The following NAALADL2 variants were observed in gnomAD, a reference collection of about 807,000 sequenced individuals.
NAALADL2 encodes inactive N-acetylated-alpha-linked acidic dipeptidase-like protein 2.
Under a neutral mutation model 87.2 loss-of-function variants are expected in NAALADL2, and 76 were observed. The observed-to-expected ratio is 0.87, with a 90% CI of 0.72 to 1.05. The LOEUF (loss-of-function observed/expected upper bound fraction) is 1.05, where lower values mean the gene tolerates loss of function less well. Ranked by LOEUF, NAALADL2 falls within the 50% of genes least tolerant of loss-of-function variation. NAALADL2 has a pLI of 0.00. For missense variants in NAALADL2, 1,089 were observed against 945.8 expected (o/e 1.15, Z -1.99); for synonymous variants, 354 against 331.0 (o/e 1.07, Z -0.75).
In NAALADL2 at chr3:175,206,260, A is replaced by T. The variant is rs758397649; in HGVS notation, c.546-27671A>T. Among the ~76,000 whole-genome samples the T allele has an allele frequency of 1.9e-3, 179 of 92,650 alleles. 3 individuals carry two copies. The highest frequency in any genetic ancestry group is 0.012 in the African/African-American group (161 of 13,874). 60.8% of individuals were successfully genotyped at this position (92,650 alleles called of 152,430 possible). On this transcript the variant is annotated intron_variant, in intron 2 of 13. Coordinates refer to ENST00000454872, the MANE Select transcript of NAALADL2 (RefSeq NM_207015.3). ...GATAAAAAACTATATATATATATAT[A>T]TATTTTTTTTTTTCACTGTGTGTGT...
At chr3:175,567,338 A>C (rs1405446905) in intron 9 of NAALADL2, among the ~76,000 whole-genome samples, 1 of 152,148 alleles carries the variant, frequency 6.6e-6, no homozygotes, top group Non-Finnish European at 1.5e-5. Context: ...ACCAGCTAGA[A>C]GCTGGAGTAA....
At chr3:174,528,958 CT>C (rs1344514340) in intron 1 of NAALADL2, among the ~76,000 whole-genome samples, 2 of 152,078 alleles carry the variant, frequency 1.3e-5, no homozygotes, top group Non-Finnish European at 2.9e-5. Context: ...CCCCTGGCCC[CT>C]CACAAATCTC....
At chr3:175,070,113 G>A (rs1559986045) in intron 1 of NAALADL2, among the ~76,000 whole-genome samples, 1 of 150,214 alleles carries the variant, frequency 6.7e-6, no homozygotes, top group Non-Finnish European at 1.5e-5. Flanking sequence ...GTATACATAT[G>A]TAACTAACCT....
chr3:175,542,587 T>G (rs1712557022), intron 9 of NAALADL2, among the ~76,000 whole-genome samples: 1 of 152,156 alleles, frequency 6.6e-6, no homozygotes, highest in Non-Finnish European at 1.5e-5. Flanking sequence ...CTCAAACTCC[T>G]GACCTCAAGT....
At chr3:174,788,528 G>A (rs753200019) in intron 3 of NAALADL2, among the ~76,000 whole-genome samples, 1 of 152,030 alleles carries the variant, frequency 6.6e-6, no homozygotes, top group Non-Finnish European at 1.5e-5. Context: ...TCCTCACATG[G>A]TCTTCCCTCT....
intron 12 of NAALADL2, among the ~76,000 whole-genome samples, 165 bp from the exon 13 acceptor site, chr3:175,755,055 T>A (rs1019504173): frequency 6.6e-6 from 1 of 152,122 alleles, no homozygotes; most frequent in Non-Finnish European, 1.5e-5. Context: ...ATACCCTTGC[T>A]TTTGTCAAGT....
At position 175,510,096 on chromosome 3, in the gene NAALADL2, G is replaced by A. The variant is rs147027240; in HGVS notation, c.1653+38338G>A. Among the ~76,000 whole-genome samples the A allele has an allele frequency of 5.8e-3, 882 of 151,606 alleles. 3 individuals carry two copies. The highest frequency in any genetic ancestry group is 0.019 in the African/African-American group (774 of 41,292). On this transcript the variant is annotated intron_variant, in intron 9 of 13. Coordinates refer to ENST00000454872, the MANE Select transcript of NAALADL2 (RefSeq NM_207015.3). ...TTCCCACCTATGAGTGAGAATATGC[G>A]GTGTTTGGTTTTTTTTTCTTGCGAT...
chr3:175,593,978 ATTCT>A (rs2149613171), intron 10 of NAALADL2, among the ~76,000 whole-genome samples: 1 of 82,794 alleles, frequency 1.2e-5, no homozygotes, highest in South Asian at 6.0e-4. Flanking sequence ...TCATGTTGCT[ATTCT>A]TTTTTTTTTT....
At chr3:175,520,911 A>G (rs1188833263) in intron 9 of NAALADL2, among the ~76,000 whole-genome samples, 2 of 152,180 alleles carry the variant, frequency 1.3e-5, no homozygotes, top group Non-Finnish European at 2.9e-5. Context: ...ACAAAGCCCT[A>G]CTTTTACGGG....
chr3:175,001,844 CCA>C (rs1748277509), intron 1 of NAALADL2, among the ~76,000 whole-genome samples: 1 of 152,122 alleles, frequency 6.6e-6, no homozygotes, highest in South Asian at 2.1e-4. Flanking sequence ...CAATCTGATG[CCA>C]CAAGTGGAAA....
intron 13 of NAALADL2, among the ~76,000 whole-genome samples, chr3:175,798,185 C>G (rs754029853): frequency 6.6e-6 from 1 of 151,892 alleles, no homozygotes; most frequent in Non-Finnish European, 1.5e-5. Flanking sequence ...TTTTTGCTAG[C>G]CCCGATTTGT....
chr3:175,583,207 C>T (rs1720034684), intron 10 of NAALADL2, among the ~76,000 whole-genome samples: 1 of 152,114 alleles, frequency 6.6e-6, no homozygotes, highest in Admixed American at 6.6e-5. Context: ...ATCCCAGCAT[C>T]AAGAGAGTAT....
chr3:175,584,153 TC>T (rs1424781439), intron 10 of NAALADL2, among the ~76,000 whole-genome samples: 1 of 151,976 alleles, frequency 6.6e-6, no homozygotes, highest in Non-Finnish European at 1.5e-5. Context: ...TTCTCCTGCC[TC>T]AGCCTCCTGA....
At chr3:174,618,198 A>G (rs1720661384) in intron 2 of NAALADL2, among the ~76,000 whole-genome samples, 1 of 151,798 alleles carries the variant, frequency 6.6e-6, no homozygotes, top group Non-Finnish European at 1.5e-5. Context: ...AGAGGTCAGT[A>G]CTGCTCCATA....
chr3:175,790,560 A>G (rs778963060), intron 13 of NAALADL2, among the ~76,000 whole-genome samples: 7 of 152,136 alleles, frequency 4.6e-5, no homozygotes, highest in African/African-American at 7.2e-5. Context: ...GGAATTCTAG[A>G]TTTACTTTCT....
At chr3:174,838,979 G>C (rs535446722) in intron 3 of NAALADL2, among the ~76,000 whole-genome samples, 1 of 152,046 alleles carries the variant, frequency 6.6e-6, no homozygotes, top group African/African-American at 2.4e-5. Flanking sequence ...ATTCTTCACA[G>C]AATTAGAAAA....
chr3:175,284,701 ATAAT>A (rs1291289099), intron 4 of NAALADL2, among the ~76,000 whole-genome samples: 1 of 152,166 alleles, frequency 6.6e-6, no homozygotes, highest in African/African-American at 2.4e-5. Context: ...AATTAAAATA[ATAAT>A]TAAATTACAT....
chr3:174,821,758 A>G (rs1018564480), intron 3 of NAALADL2, among the ~76,000 whole-genome samples: 8 of 152,322 alleles, frequency 5.3e-5, no homozygotes, highest in Middle Eastern at 3.4e-3. Flanking sequence ...TCTGGAAGGA[A>G]GATAAGAATA....
intron 1 of NAALADL2, among the ~76,000 whole-genome samples, chr3:174,953,297 T>TCCTCTCCCCCCCCCCCCC (rs1740651836): frequency 2.4e-4 from 14 of 59,316 alleles, no homozygotes; most frequent in Admixed American, 5.0e-4. Context: ...CTTTCTTGCC[T>TCCTCTCCCCCCCCCCCCC]CCCCTCCCCT....
Sources: allele counts gnomAD v4.1 joint callset (sites outside exome capture counted in the v4.1 genomes callset), GRCh38; gene constraint gnomAD v4.1.1; transcripts MANE v1.5; gene names NCBI Gene and HGNC (gene_info 2026-07-23, HGNC 2026-07-21).